Variants in SPIRE1 observed in about 807,000 individuals in gnomAD.
SPIRE1 encodes the protein protein spire homolog 1.
A neutral mutation model predicts 94.1 loss-of-function variants in SPIRE1; 40 were observed. The ratio of observed to expected loss-of-function variants is 0.43; its 90% CI spans 0.33 to 0.55. The LOEUF is 0.55. Among genes scored for constraint, SPIRE1 ranks in the 20% least tolerant of loss-of-function variants. The pLI is 0.06. For synonymous variants in SPIRE1, 376 were observed against 371.7 expected, an observed-to-expected ratio of 1.01 and a Z score of -0.13; for missense variants, 838 against 975.2, an observed-to-expected ratio of 0.86 and a Z score of 1.87.
intron 1 of SPIRE1, among the ~76,000 whole-genome samples, chr18:12,654,873 C>T (rs143740860): frequency 1.3e-5 from 2 of 151,402 alleles, no homozygotes; most frequent in African/African-American, 4.8e-5. Flanking sequence ...ACCAAAAATA[C>T]AAAAATTAGC....
At chr18:12,503,070 C>T (rs186354054) in intron 6 of SPIRE1, among the ~76,000 whole-genome samples, 38 of 149,686 alleles carry the variant, frequency 2.5e-4, no homozygotes, top group Non-Finnish European at 5.2e-4. Flanking sequence ...GATTACGCCA[C>T]GGTACTCCAG....
chr18:12,449,999 A>T (rs567150856), intron 16 of SPIRE1, 103 bp from the exon 17 acceptor site: 276 of 1,155,274 alleles, frequency 2.4e-4, no homozygotes, highest in Non-Finnish European at 3.1e-4. Context: ...TCAAAACATC[A>T]TGGAATGGAT....
intron 5 of SPIRE1, among the ~76,000 whole-genome samples, chr18:12,508,562 A>G (rs950965260): frequency 6.6e-6 from 1 of 152,202 alleles, no homozygotes; most frequent in Non-Finnish European, 1.5e-5. Context: ...TGCAGTTCAA[A>G]TATCATCTCA....
At chr18:12,533,002 G>A (rs908889228) in intron 4 of SPIRE1, among the ~76,000 whole-genome samples, 1 of 152,172 alleles carries the variant, frequency 6.6e-6, no homozygotes, top group Non-Finnish European at 1.5e-5. Context: ...TCGGCTTCCC[G>A]CAGGAGGAAA....
intron 4 of SPIRE1, among the ~76,000 whole-genome samples, chr18:12,514,464 T>G (rs555116219): frequency 6.6e-6 from 1 of 152,314 alleles, no homozygotes; most frequent in Non-Finnish European, 1.5e-5. Context: ...TTTTTTTTTT[T>G]TTGTATTTTG....
At chr18:12,487,904 C>G (rs1203769194) in intron 8 of SPIRE1, among the ~76,000 whole-genome samples, 2 of 152,172 alleles carry the variant, frequency 1.3e-5, no homozygotes, top group Non-Finnish European at 2.9e-5. Context: ...TCTATTTTCA[C>G]TGCAGTCCAA....
At chr18:12,556,554 C>T (rs113255835) in intron 2 of SPIRE1, among the ~76,000 whole-genome samples, 2,627 of 152,274 alleles carry the variant, frequency 0.017, 89 homozygotes, top group African/African-American at 0.059. Context: ...TGTTCAGATG[C>T]GTCCGGAGTT....
At chr18:12,601,677 G>A (rs376813024) in intron 2 of SPIRE1, among the ~76,000 whole-genome samples, 6 of 152,044 alleles carry the variant, frequency 3.9e-5, no homozygotes, top group African/African-American at 1.2e-4. Context: ...CGTACTTTCC[G>A]TCTCTACAGT....
At chr18:12,485,851 C>G (rs1701444203) in intron 9 of SPIRE1, 108 bp downstream of exon 9, 2 of 792,762 alleles carry the variant, frequency 2.5e-6, no homozygotes, top group Non-Finnish European at 2.1e-6. Flanking sequence ...TTAGCAGAAG[C>G]CTTTCAATTT....
intron 12 of SPIRE1, chr18:12,459,858 G>T (rs1312060016): frequency 1.0e-6 from 1 of 985,836 alleles, no homozygotes; most frequent in Non-Finnish European, 1.2e-6. Flanking sequence ...GCTGAGCAGA[G>T]AAGCTGTTTG....
At chr18:12,573,298 C>T (rs1012244798) in intron 2 of SPIRE1, among the ~76,000 whole-genome samples, 8 of 152,044 alleles carry the variant, frequency 5.3e-5, no homozygotes, top group East Asian at 1.9e-4. Context: ...TACACCCCTC[C>T]GAGAGTAACT....
At chr18:12,597,188 ACACACACAC>A (rs2036700530) in intron 2 of SPIRE1, among the ~76,000 whole-genome samples, 2 of 150,868 alleles carry the variant, frequency 1.3e-5, no homozygotes, top group Admixed American at 6.6e-5. Flanking sequence ...ACACACACAC[ACACACACAC>A]ACACACACAG....
intron 2 of SPIRE1, among the ~76,000 whole-genome samples, chr18:12,560,593 C>A (rs1306554558): frequency 6.6e-6 from 1 of 152,160 alleles, no homozygotes; most frequent in Non-Finnish European, 1.5e-5. Flanking sequence ...GCTCACATCT[C>A]TAATCCCAGC....
At chr18:12,465,813 C>T (rs545855089) in intron 10 of SPIRE1, among the ~76,000 whole-genome samples, 5 of 152,200 alleles carry the variant, frequency 3.3e-5, no homozygotes, top group East Asian at 3.9e-4. Flanking sequence ...GGGCCAGGTA[C>T]GGTGGCTCGC....
chr18:12,457,113 GAGCAAC>G (rs2031541570), intron 12 of SPIRE1, among the ~76,000 whole-genome samples: 2 of 152,182 alleles, frequency 1.3e-5, no homozygotes, highest in African/African-American at 4.8e-5. Context: ...TCACAGGCAT[GAGCAAC>G]CGCGCCTGGC....
upstream of SPIRE1, chr18:12,662,067 G>T (rs1226527850): frequency 5.3e-6 from 2 of 377,978 alleles, no homozygotes; most frequent in Non-Finnish European, 1.0e-5. Flanking sequence ...TACTCTGGAG[G>T]TACTGGCTGT....
intron 2 of SPIRE1, among the ~76,000 whole-genome samples, chr18:12,588,798 G>T (rs2036455429): frequency 6.6e-6 from 1 of 152,012 alleles, no homozygotes; most frequent in South Asian, 2.1e-4. Context: ...TAACTTCAGG[G>T]TTCTTTTATT....
Position 12,479,843 on chromosome 18 carries a change from A to G in SPIRE1, c.1260T>C (p.Asn420=), listed in dbSNP as rs781313533. Residue 420 remains asparagine (N), a synonymous_variant, in exon 10 of 17, where the codon AAT becomes AAC. Transcript: ENST00000409402. ...SDVTTPESTK[N]LVESSMVNGG... ...CATTCACCATAGATGACTCCACAAG[A>G]TTCTTTGTAGATTCAGGGGTAGTCA... is the stretch of plus-strand genomic sequence containing the variant. 2 of 1,613,800 alleles carry G rather than the reference A, an allele frequency of 1.2e-6. No individual in the cohort carries two copies. Among genetic ancestry groups the G allele is most frequent in the African/African-American group, 1.3e-5 (1 of 74,912 alleles).
chr18:12,478,619 G>A (rs1383180682), intron 10 of SPIRE1, among the ~76,000 whole-genome samples: 3 of 151,480 alleles, frequency 2.0e-5, no homozygotes, highest in African/African-American at 7.3e-5. Context: ...GTGTGTGTGT[G>A]CGCGCGCATG....
Sources: allele counts gnomAD v4.1 joint callset (sites outside exome capture counted in the v4.1 genomes callset), GRCh38; gene constraint gnomAD v4.1.1; transcripts MANE v1.5; gene names NCBI Gene and HGNC (gene_info 2026-07-23, HGNC 2026-07-21).